DMBX1: variants seen among roughly 807,000 people sequenced by gnomAD.
DMBX1 encodes the protein diencephalon/mesencephalon homeobox protein 1.
A neutral mutation model predicts 30.4 loss-of-function variants in DMBX1; 7 were observed. The observed-to-expected ratio is 0.23, with a 90% CI of 0.13 to 0.43. The LOEUF (loss-of-function observed/expected upper bound fraction) is 0.43. DMBX1 is among the 20% of genes least tolerant of loss of function. The pLI, the probability that DMBX1 is intolerant of heterozygous loss-of-function variation, is 1.00. For synonymous variants in DMBX1, 222 were observed against 214.2 expected (o/e 1.04, Z -0.32); for missense variants, 460 against 508.5 (o/e 0.90, Z 0.92).
At chr1:46,501,441 C>T (rs566327266) in intron 2 of DMBX1, among the ~76,000 whole-genome samples, 23 of 151,848 alleles carry the variant, frequency 1.5e-4, no homozygotes, top group Non-Finnish European at 3.1e-4. Context: ...TCACCACACC[C>T]GGCTAATTTT....
rs1353409841 is a variant in DMBX1, at chr1:46,490,191, A to G, written c.-153+314A>G. The stretch of plus-strand genomic sequence containing the variant: ...AAGTGAGCAACTTAGGGAGACAGAA[A>G]GAGCGCAGAACTCGAAATTCCGAGG... On this transcript the variant is annotated intron_variant, in intron 1 of 5. Coordinates refer to ENST00000360032, the MANE Select transcript of DMBX1 (RefSeq NM_172225.2). 7.2e-5 allele frequency among the ~76,000 whole-genome samples: 11 copies of G among 152,282 alleles called. No individual in the cohort carries two copies. In the East Asian group the frequency reaches 2.1e-3, roughly 30 times the overall value.
At chr1:46,499,902 CTGT>C (rs967519383) in intron 2 of DMBX1, among the ~76,000 whole-genome samples, 28 of 152,238 alleles carry the variant, frequency 1.8e-4, no homozygotes, top group African/African-American at 6.3e-4. Flanking sequence ...ATAGCTAGTA[CTGT>C]TGTTGTTGTC....
chr1:46,500,435 T>A (rs1215893724), intron 2 of DMBX1, among the ~76,000 whole-genome samples: 1 of 152,042 alleles, frequency 6.6e-6, no homozygotes, highest in Non-Finnish European at 1.5e-5. Context: ...TTGGGATGGA[T>A]GAAATTGCTT....
intron 2 of DMBX1, among the ~76,000 whole-genome samples, chr1:46,495,864 C>T (rs902803118): frequency 6.6e-6 from 1 of 152,122 alleles, no homozygotes; most frequent in Non-Finnish European, 1.5e-5. Context: ...CACATAGTAG[C>T]TTTGGAGAGC....
In DMBX1 at chr1:46,498,986, A is replaced by G. The variant is rs551862284; in HGVS notation, c.-12-8013A>G. Among the ~76,000 whole-genome samples the G allele has an allele frequency of 4.4e-4, 67 of 152,106 alleles. No individual in the cohort carries two copies. The South Asian group carries it at 0.013, about 30-fold the overall frequency. On this transcript the variant is annotated intron_variant, in intron 2 of 5. Transcript: ENST00000360032. ...CAGCTTCATCTCACAGCACACATAC[A>G]TGCACACAGTGTGCACACGAACATG...
chr1:46,494,895 C>T (rs565092488), intron 2 of DMBX1, among the ~76,000 whole-genome samples: 16 of 152,206 alleles, frequency 1.1e-4, no homozygotes, highest in African/African-American at 3.6e-4. Flanking sequence ...TTAACGGTGG[C>T]GATGTGGGGG....
In DMBX1 at chr1:46,491,560, G is replaced by A. The variant is rs962906914; in HGVS notation, c.-13+777G>A. Among the ~76,000 whole-genome samples, 2 of 152,216 alleles carry A rather than the reference G, an allele frequency of 1.3e-5. No individual in the cohort carries two copies. The highest frequency in any genetic ancestry group is 2.9e-5 in the Non-Finnish European group (2 of 68,034). On this transcript the variant is annotated intron_variant, in intron 2 of 5. Coordinates refer to ENST00000360032, the MANE Select transcript of DMBX1 (RefSeq NM_172225.2). The surrounding 1 kb of genome is among the most constrained non-coding windows in gnomAD (Gnocchi z 5.5). ...GGGCTGTCTGTACCGCAAGGGTTGT[G>A]TGCTCCACAGCCGAGGAAATTGTGC... is the stretch of plus-strand genomic sequence containing the variant.
intron 2 of DMBX1, among the ~76,000 whole-genome samples, chr1:46,499,876 G>A (rs1375192481): frequency 6.6e-6 from 1 of 152,212 alleles, no homozygotes; most frequent in Non-Finnish European, 1.5e-5. Context: ...CTGGCACAGA[G>A]TGTGTTCAGT....
At chr1:46,503,654 G>T (rs925640095) in intron 2 of DMBX1, among the ~76,000 whole-genome samples, 1 of 152,204 alleles carries the variant, frequency 6.6e-6, no homozygotes, top group African/African-American at 2.4e-5. Context: ...TGCACGAAAC[G>T]TTCATGTGCT....
intron 3 of DMBX1, among the ~76,000 whole-genome samples, chr1:46,509,183 C>G (rs1307241912): frequency 6.6e-6 from 1 of 152,084 alleles, no homozygotes; most frequent in Admixed American, 6.5e-5. Context: ...AGCGGTTCTC[C>G]TGCCTCAGCC....
At position 46,510,986 on chromosome 1, in the gene DMBX1, C is replaced by A; in HGVS notation, c.385C>A (p.Gln129Lys). The A allele has an allele frequency of 1.9e-6, 3 of 1,613,386 alleles. No homozygotes were observed. Among genetic ancestry groups the A allele is most frequent in the Non-Finnish European group, 8.5e-7 (1 of 1,179,692 alleles). ...AKFRKKQRSL[Q>K]KEQLQKQKEA... The stretch of plus-strand genomic sequence containing the variant: ...GTTCCGGAAGAAGCAGCGTAGCCTG[C>A]AGAAGGAACAGCTCCAGAAGCAGAA... Residue 129 changes from glutamine (Q) to lysine (K), a missense_variant, in exon 5 of 6, where the codon CAG becomes AAG. By Grantham distance (53) the Gln-to-Lys change is moderately conservative (BLOSUM62 1). This residue lies in a region of DMBX1 where 334 missense variants were observed against 345.1 expected (regional missense o/e 0.97). Coordinates refer to ENST00000360032, the MANE Select transcript of DMBX1 (RefSeq NM_172225.2). The surrounding 1 kb of genome is among the most constrained non-coding windows in gnomAD (Gnocchi z 4.1).
intron 1 of DMBX1, among the ~76,000 whole-genome samples, 57 bp downstream of exon 1, chr1:46,489,934 A>T (rs1665899225): frequency 6.6e-6 from 1 of 152,118 alleles, no homozygotes; most frequent in South Asian, 2.1e-4. Context: ...CAGTCGCTGC[A>T]GGGAGGACGC....
At chr1:46,494,559 G>A (rs1056355297) in intron 2 of DMBX1, among the ~76,000 whole-genome samples, 5 of 152,268 alleles carry the variant, frequency 3.3e-5, no homozygotes, top group African/African-American at 1.2e-4. Flanking sequence ...GCCACTGGCC[G>A]GTGGTTGGCC....
In DMBX1 at chr1:46,515,461, T is replaced by G. The variant is rs1244232645; in HGVS notation, c.*2967T>G. Among the ~76,000 whole-genome samples, 1 of 152,170 alleles carries G rather than the reference T, an allele frequency of 6.6e-6. No homozygotes were observed. The highest frequency in any genetic ancestry group is 1.5e-5 in the Non-Finnish European group (1 of 68,024). ...TGTCATGGCTGGAGGCAGGCCCACC[T>G]TAGGAGCAGCCGAGCTTCCCTCAGA... On this transcript the variant is annotated 3_prime_UTR_variant, in exon 6 of 6. Transcript: ENST00000360032.
At chr1:46,507,783 G>A (rs1666269669) in intron 3 of DMBX1, among the ~76,000 whole-genome samples, 3 of 152,102 alleles carry the variant, frequency 2.0e-5, no homozygotes, top group Admixed American at 6.6e-5. Context: ...AAATCAGCAC[G>A]GGCTTTCCCA....
chr1:46,506,944 G>A (rs1005913200), intron 2 of DMBX1, 55 bp from the exon 3 acceptor site: 1 of 1,586,192 alleles, frequency 6.3e-7, no homozygotes, highest in African/African-American at 1.3e-5. Flanking sequence ...GGGTCTCCCT[G>A]AGGGCAGAGT....
chr1:46,510,429 T>C lies in DMBX1; in HGVS notation c.155-47T>C. On this transcript the variant is annotated intron_variant, in intron 3 of 5. Transcript: ENST00000360032. This position sits in a 1 kb window ranked among gnomAD's most constrained non-coding sequence, Gnocchi z 4.1. ...TAAGATTCAAAGCTATTTCCCATAA[T>C]TAAATGGGCCCCCTCTCCTTGCCCT... 1 of 1,592,928 alleles carries C rather than the reference T, an allele frequency of 6.3e-7. No homozygotes were observed. The highest frequency in any genetic ancestry group is 8.5e-7 in the Non-Finnish European group (1 of 1,170,998).
At position 46,515,861 on chromosome 1, in the gene DMBX1, C is replaced by T. The variant is rs1387690013; in HGVS notation, c.*3367C>T. Among the ~76,000 whole-genome samples the T allele has an allele frequency of 6.6e-6, 1 of 152,178 alleles. No individual in the cohort carries two copies. The highest frequency in any genetic ancestry group is 1.5e-5 in the Non-Finnish European group (1 of 68,022). On this transcript the variant is annotated 3_prime_UTR_variant, in exon 6 of 6. Transcript: ENST00000360032. ...CTCATGCCTGGCCTCTCCCTGCTGT[C>T]TGAGTCTCCATTTCTCTGTTTCCTC... is the stretch of plus-strand genomic sequence containing the variant.
chr1:46,496,955 C>T (rs1322126465), intron 2 of DMBX1, among the ~76,000 whole-genome samples: 6 of 152,228 alleles, frequency 3.9e-5, no homozygotes, highest in African/African-American at 7.2e-5. Context: ...CCTCTCCCCT[C>T]AGAGTGTCAC....
Sources: gnomAD v4.1 joint callset for allele counts (sites outside exome capture counted in the v4.1 genomes callset) on GRCh38, gnomAD v4.1.1 for gene constraint, gnomAD v4.1.1 regional missense constraint, Gnocchi (gnomAD v3.1) non-coding constraint, MANE v1.5 for transcripts, NCBI Gene and HGNC (gene_info 2026-07-23, HGNC 2026-07-21) for gene names.